Variants in SCAF8 observed in about 807,000 individuals in gnomAD.
SCAF8 encodes SR-related and CTD-associated factor 8.
In SCAF8, 23 loss-of-function variants were observed where a neutral mutation model predicts 140.5. The ratio of observed to expected loss-of-function variants is 0.16; its 90% CI spans 0.12 to 0.23. The LOEUF (loss-of-function observed/expected upper bound fraction) is 0.23, where lower values mean the gene tolerates loss of function less well. Among genes scored for constraint, SCAF8 ranks in the 10% least tolerant of loss-of-function variants. The probability of loss-of-function intolerance (pLI) is 1.00; values close to 1 mark genes in which losing one functional copy is unlikely to be tolerated. For missense variants in SCAF8, 1,397 were observed against 1,555.7 expected, an observed-to-expected ratio of 0.90 and a Z score of 1.72; for synonymous variants, 575 against 528.9, an observed-to-expected ratio of 1.09 and a Z score of -1.20.
At chr6:154,749,269 C>A (rs1376882730) in intron 1 of SCAF8, among the ~76,000 whole-genome samples, 4 of 152,174 alleles carry the variant, frequency 2.6e-5, no homozygotes, top group Non-Finnish European at 5.9e-5. Context: ...TAGTCCTACA[C>A]AATTGTCCTT....
chr6:154,818,446 T>G, intron 13 of SCAF8, 33 bp from the exon 14 acceptor site: 1 of 1,231,644 alleles, frequency 8.1e-7, no homozygotes, highest in Non-Finnish European at 1.2e-6. Flanking sequence ...TTTCTGTTCT[T>G]ATACCTTTTC....
In SCAF8 at chr6:154,757,154, G is replaced by A. The variant is rs1218409192; in HGVS notation, c.31-16835G>A. On this transcript the variant is annotated intron_variant, in intron 1 of 19. Coordinates refer to ENST00000367178, the MANE Select transcript of SCAF8 (RefSeq NM_014892.5). The stretch of plus-strand genomic sequence containing the variant: ...TAGGACTACAGGTGCACGCCACTAC[G>A]CCCAGCTAATTTTTATTTTTACTAG... Among the ~76,000 whole-genome samples, 3 of 152,160 alleles carry A rather than the reference G, an allele frequency of 2.0e-5. No homozygotes were observed. In the South Asian group the frequency reaches 6.2e-4, roughly 32 times the overall value.
intron 3 of SCAF8, among the ~76,000 whole-genome samples, chr6:154,787,252 G>A (rs1050911502): frequency 1.3e-5 from 2 of 152,232 alleles, no homozygotes; most frequent in African/African-American, 2.4e-5. Flanking sequence ...ACAGCTATTT[G>A]GAAGGCTGAG....
At chr6:154,771,273 A>G (rs1776759783) in intron 1 of SCAF8, among the ~76,000 whole-genome samples, 1 of 152,248 alleles carries the variant, frequency 6.6e-6, no homozygotes, top group Non-Finnish European at 1.5e-5. Flanking sequence ...GAGGTCGGGA[A>G]GCCTTTCCTC....
At chr6:154,771,674 GAGTT>G (rs1776772088) in intron 1 of SCAF8, among the ~76,000 whole-genome samples, 1 of 152,190 alleles carries the variant, frequency 6.6e-6, no homozygotes. Flanking sequence ...TCACAAGTGA[GAGTT>G]AGGCATTGGG....
chr6:154,804,725 TC>T lies in SCAF8; in HGVS notation c.864-643del, dbSNP rs755999314. Among the ~76,000 whole-genome samples the T allele has an allele frequency of 4.5e-4, 68 of 152,322 alleles. 2 individuals carry two copies. Among genetic ancestry groups the T allele is most frequent in the South Asian group, 2.9e-3 (14 of 4,830 alleles). On this transcript the variant is annotated intron_variant, in intron 8 of 19. Transcript: ENST00000367178. ...ACTTTTTTCCAACTGTTTCAAGACT[TC>T]TCACCATCCTGTTTGGCTCTTTTGG...
intron 1 of SCAF8, among the ~76,000 whole-genome samples, chr6:154,772,175 TTC>T (rs1187266872): frequency 6.6e-6 from 1 of 152,188 alleles, no homozygotes; most frequent in African/African-American, 2.4e-5. Context: ...AACCAAGAAA[TTC>T]TGTTTGAATT....
In SCAF8 at chr6:154,770,695, T is replaced by C. The variant is rs528814708; in HGVS notation, c.31-3294T>C. On this transcript the variant is annotated intron_variant, in intron 1 of 19. Transcript: ENST00000367178. ...TAAGGAGGAAGCATGTTTGCACTTCTACCAGGATTCATTTCCATTTGGGCA... is the reference window on the plus strand; with the variant it reads ...TAAGGAGGAAGCATGTTTGCACTTCCACCAGGATTCATTTCCATTTGGGCA... Among the ~76,000 whole-genome samples, 19 of 152,362 alleles carry C rather than the reference T, an allele frequency of 1.2e-4. No homozygotes were observed. In the South Asian group the frequency reaches 3.7e-3, roughly 30 times the overall value.
chr6:154,826,569 A>T (rs1324834302), intron 17 of SCAF8, among the ~76,000 whole-genome samples: 1 of 152,170 alleles, frequency 6.6e-6, no homozygotes, highest in Non-Finnish European at 1.5e-5. Context: ...AAAGAAGCAA[A>T]TTTATAGTGT....
At chr6:154,755,320 C>G (rs1182336128) in intron 1 of SCAF8, among the ~76,000 whole-genome samples, 6 of 152,118 alleles carry the variant, frequency 3.9e-5, no homozygotes, top group Non-Finnish European at 7.3e-5. Flanking sequence ...GTGGTGTAAT[C>G]TTGGCTCACT....
chr6:154,814,679 T>A (rs914514329), intron 12 of SCAF8, among the ~76,000 whole-genome samples: 1 of 152,150 alleles, frequency 6.6e-6, no homozygotes, highest in Non-Finnish European at 1.5e-5. Context: ...AATCCAAATA[T>A]AACATATGAA....
In SCAF8 at chr6:154,830,993, C is replaced by T. The variant is rs1470942660; in HGVS notation, c.2212C>T (p.Pro738Ser). The T allele has an allele frequency of 6.2e-7, 1 of 1,613,934 alleles. No homozygotes were observed. The highest frequency in any genetic ancestry group is 8.5e-7 in the Non-Finnish European group (1 of 1,179,944). ...KDVGFGSLVI[P>S]GGSVASNLAT... ...TGTTGGATTTGGTAGCCTTGTTATA[C>T]CAGGCGGTTCTGTTGCCAGCAATCT... Residue 738 changes from proline to serine, a missense_variant, in exon 19 of 20, where the codon CCA becomes TCA. By Grantham distance (74) the Pro-to-Ser change is moderately conservative. Around this residue, in one of 5 missense-constraint regions of SCAF8, gnomAD observed 930 missense variants for 874.6 expected, o/e 1.06. Coordinates refer to ENST00000367178, the MANE Select transcript of SCAF8 (RefSeq NM_014892.5).
rs7759022 is a variant in SCAF8, at chr6:154,796,381, C to G, written c.606+1242C>G. Among the ~76,000 whole-genome samples the G allele has an allele frequency of 4.0e-3, 429 of 106,966 alleles. 1 individual carries two copies. Among genetic ancestry groups the G allele is most frequent in the African/African-American group, 0.013 (332 of 25,298 alleles). 70.2% of individuals were successfully genotyped at this position (106,966 alleles called of 152,430 possible). A position where few individuals can be genotyped will look rare whatever the true frequency, so the allele number is the denominator to read the frequency against. On this transcript the variant is annotated intron_variant, in intron 6 of 19. Transcript: ENST00000367178. The stretch of plus-strand genomic sequence containing the variant: ...TCTCTCTCTCTCTCTCTCTCTCTCT[C>G]TCTCTCTCTCTGTCTCTCTCTTTTT...
intron 14 of SCAF8, 61 bp from the exon 15 acceptor site, chr6:154,820,116 T>A (rs1486700146): frequency 3.0e-6 from 4 of 1,334,180 alleles, no homozygotes; most frequent in Non-Finnish European, 2.0e-6. Flanking sequence ...TTGAACTTTT[T>A]ACCTTGTTTT....
intron 1 of SCAF8, among the ~76,000 whole-genome samples, chr6:154,741,247 A>G (rs1283969445): frequency 6.6e-6 from 1 of 152,216 alleles, no homozygotes; most frequent in Non-Finnish European, 1.5e-5. Context: ...TTAATCACAC[A>G]TCATTAAATA....
intron 1 of SCAF8, among the ~76,000 whole-genome samples, chr6:154,763,805 C>T (rs1347507689): frequency 6.6e-6 from 1 of 151,842 alleles, no homozygotes; most frequent in South Asian, 2.1e-4. Context: ...AGGGGCTGGC[C>T]TGGTTTTGTA....
At chr6:154,749,699 A>G (rs1003545255) in intron 1 of SCAF8, among the ~76,000 whole-genome samples, 1 of 152,124 alleles carries the variant, frequency 6.6e-6, no homozygotes, top group Non-Finnish European at 1.5e-5. Context: ...GAGTGATTGG[A>G]TAATTGAGCC....
intron 1 of SCAF8, among the ~76,000 whole-genome samples, chr6:154,738,138 C>A (rs567643849): frequency 6.6e-6 from 1 of 151,442 alleles, no homozygotes; most frequent in Non-Finnish European, 1.5e-5. Context: ...AGTGCAATTA[C>A]TGCACCTGTG....
intron 10 of SCAF8, 45 bp from the exon 11 acceptor site, chr6:154,808,641 C>G (rs769908683): frequency 8.3e-7 from 1 of 1,205,696 alleles, no homozygotes; most frequent in Admixed American, 1.8e-5. Flanking sequence ...ATAACTCTGT[C>G]TCAACCAGCC....
Sources: gnomAD v4.1 joint callset for allele counts (sites outside exome capture counted in the v4.1 genomes callset) on GRCh38, gnomAD v4.1.1 for gene constraint, gnomAD v4.1.1 regional missense constraint, MANE v1.5 for transcripts, NCBI Gene and HGNC (gene_info 2026-07-23, HGNC 2026-07-21) for gene names.